Variants in MYO1D observed in about 807,000 individuals in gnomAD.
MYO1D encodes the protein unconventional myosin-Id.
Under a neutral mutation model 122.0 loss-of-function variants are expected in MYO1D, and 83 were observed. The ratio of observed to expected loss-of-function variants is 0.68; its 90% CI spans 0.57 to 0.82. The LOEUF is 0.82. Ranked by LOEUF, MYO1D falls within the 40% of genes least tolerant of loss-of-function variation. MYO1D has a pLI of 0.00. For synonymous variants in MYO1D, 464 were observed against 446.9 expected, an observed-to-expected ratio of 1.04 and a Z score of -0.48; for missense variants, 1,157 against 1,269.5, an observed-to-expected ratio of 0.91 and a Z score of 1.35.
chr17:32,757,849 G>C (rs1052603593), intron 10 of MYO1D, among the ~76,000 whole-genome samples: 2 of 152,162 alleles, frequency 1.3e-5, no homozygotes, highest in African/African-American at 4.8e-5. Context: ...AGGGATACCA[G>C]GAGCCAGAAG....
chr17:32,850,028 T>C (rs1256640982), intron 1 of MYO1D, among the ~76,000 whole-genome samples: 1 of 152,202 alleles, frequency 6.6e-6, no homozygotes, highest in Admixed American at 6.5e-5. Flanking sequence ...TAGCAAGTAA[T>C]ATGTTTTCAA....
intron 16 of MYO1D, among the ~76,000 whole-genome samples, chr17:32,704,228 G>C (rs889534425): frequency 2.6e-5 from 4 of 152,220 alleles, no homozygotes; most frequent in Non-Finnish European, 5.9e-5. Context: ...ATGGGTAAGT[G>C]AATCAAATGT....
chr17:32,856,004 T>C (rs1033153460), intron 1 of MYO1D, among the ~76,000 whole-genome samples: 6 of 152,262 alleles, frequency 3.9e-5, no homozygotes, highest in Non-Finnish European at 8.8e-5. Flanking sequence ...AGCATTATAA[T>C]GACGGTACCG....
At chr17:32,544,727 T>C (rs2150880643) in intron 21 of MYO1D, among the ~76,000 whole-genome samples, 1 of 152,326 alleles carries the variant, frequency 6.6e-6, no homozygotes, top group African/African-American at 2.4e-5. Context: ...TTTGCAAGTA[T>C]CACATCAGTC....
intron 16 of MYO1D, among the ~76,000 whole-genome samples, chr17:32,708,295 T>C (rs1252067407): frequency 2.0e-5 from 3 of 152,206 alleles, no homozygotes; most frequent in East Asian, 1.9e-4. Context: ...CAGAAAGATA[T>C]CAAAAAGGAT....
At chr17:32,818,125 C>CAACAAAAAAAAAAAAAAA (rs2090629002) in intron 1 of MYO1D, among the ~76,000 whole-genome samples, 3 of 46,018 alleles carry the variant, frequency 6.5e-5, no homozygotes, top group African/African-American at 2.0e-4. Flanking sequence ...GACTCCGTCT[C>CAACAAAAAAAAAAAAAAA]AAAAAAAAAA....
At chr17:32,849,806 A>C (rs2090970627) in intron 1 of MYO1D, among the ~76,000 whole-genome samples, 1 of 38,666 alleles carries the variant, frequency 2.6e-5, no homozygotes, top group South Asian at 2.1e-3. Flanking sequence ...TAAAACTTAA[A>C]GTATAATAAA....
intron 16 of MYO1D, among the ~76,000 whole-genome samples, chr17:32,703,280 G>C (rs1222429160): frequency 6.6e-6 from 1 of 152,024 alleles, no homozygotes; most frequent in African/African-American, 2.4e-5. Context: ...ATTCACAAAG[G>C]CACCTATTTG....
rs1392905741 is a variant in MYO1D, at chr17:32,492,526, A to G, written c.*2233T>C. The G allele has an allele frequency of 6.6e-6, 1 of 152,314 alleles. No individual in the cohort carries two copies. Among genetic ancestry groups the G allele is most frequent in the Admixed American group, 6.5e-5 (1 of 15,272 alleles). The allele number at this position is 152,314 out of a possible 1,614,324, so 9.4% of individuals were successfully genotyped here. A position where few individuals can be genotyped will look rare whatever the true frequency, so the allele number is the denominator to read the frequency against. On this transcript the variant is annotated 3_prime_UTR_variant, in exon 22 of 22. Transcript: ENST00000318217. ...TGATTTGTGCTTAATTCTCCCTTCT[A>G]TCCTCCCAGATAATGGTTGACTTTA...
intron 16 of MYO1D, among the ~76,000 whole-genome samples, chr17:32,695,748 T>C (rs1451518629): frequency 1.3e-5 from 2 of 152,212 alleles, no homozygotes; most frequent in Non-Finnish European, 2.9e-5. Context: ...TGTAGAAGAA[T>C]AAAAGCTTTC....
chr17:32,755,996 G>T (rs1335463662), intron 10 of MYO1D, among the ~76,000 whole-genome samples: 1 of 152,018 alleles, frequency 6.6e-6, no homozygotes, highest in Non-Finnish European at 1.5e-5. Context: ...ATACCAATCT[G>T]CCTGCCATTA....
intron 20 of MYO1D, among the ~76,000 whole-genome samples, chr17:32,629,222 A>G (rs1464476425): frequency 6.6e-6 from 1 of 152,220 alleles, no homozygotes; most frequent in Non-Finnish European, 1.5e-5. Context: ...TTCAGGGGAA[A>G]GAGGGAAAGG....
At chr17:32,867,800 A>C (rs2091141054) in intron 1 of MYO1D, among the ~76,000 whole-genome samples, 1 of 48,476 alleles carries the variant, frequency 2.1e-5, no homozygotes, top group Admixed American at 2.4e-4. Flanking sequence ...CTCCGTCTCA[A>C]AAAAAAAAAA....
chr17:32,698,358 C>T (rs1441431502), intron 16 of MYO1D, among the ~76,000 whole-genome samples: 1 of 120,872 alleles, frequency 8.3e-6, no homozygotes, highest in Non-Finnish European at 1.7e-5. Context: ...CCCTCTCTTC[C>T]CCCCTCCCCC....
chr17:32,708,419 T>C (rs1196801726), intron 16 of MYO1D, among the ~76,000 whole-genome samples: 1 of 152,196 alleles, frequency 6.6e-6, no homozygotes, highest in Non-Finnish European at 1.5e-5. Flanking sequence ...ATGAGCATAA[T>C]TTATTTATAT....
At chr17:32,605,350 C>T in intron 20 of MYO1D, 109 bp from the exon 21 acceptor site, 2 of 993,268 alleles carry the variant, frequency 2.0e-6, no homozygotes, top group South Asian at 4.9e-5. Flanking sequence ...GTCCCAGCTA[C>T]TTGGGAGGCT....
chr17:32,659,495 C>T lies in MYO1D; in HGVS notation c.2122-157G>A, dbSNP rs76785721. 3,325 of 659,162 alleles carry T rather than the reference C, an allele frequency of 5.0e-3. 67 individuals are homozygous for T. Among genetic ancestry groups the T allele is most frequent in the African/African-American group, 0.049 (2,712 of 55,352 alleles). 40.8% of individuals were successfully genotyped at this position (659,162 alleles called of 1,614,324 possible). A position where few individuals can be genotyped will look rare whatever the true frequency, so the allele number is the denominator to read the frequency against. On this transcript the variant is annotated intron_variant, in intron 16 of 21. Transcript: ENST00000318217. ...GCCAAAGCATGTCAGTTCCACCTGC[C>T]ACCAACAGATGGCGTGGGGAGTCAC... is the stretch of plus-strand genomic sequence containing the variant.
chr17:32,720,213 CATT>C (rs955958966), intron 15 of MYO1D, among the ~76,000 whole-genome samples: 4 of 152,012 alleles, frequency 2.6e-5, no homozygotes, highest in Non-Finnish European at 5.9e-5. Context: ...TATCAATTAT[CATT>C]ATCATTTTTT....
intron 21 of MYO1D, chr17:32,504,430 CCCGGGCCCAAGCTCGTGGATGCT>C (rs1176717990): frequency 4.0e-5 from 6 of 150,618 alleles, no homozygotes; most frequent in Middle Eastern, 3.5e-3. Context: ...GTGAGGATGA[CCCGGGCCCAAGCTCGTGGATGCT>C]AGTGCTTTGT....
Sources: gnomAD v4.1 joint callset for allele counts (sites outside exome capture counted in the v4.1 genomes callset) on GRCh38, gnomAD v4.1.1 for gene constraint, MANE v1.5 for transcripts, NCBI Gene and HGNC (gene_info 2026-07-23, HGNC 2026-07-21) for gene names.